The following DST variants were observed in gnomAD, a reference collection of about 807,000 sequenced individuals.
DST encodes dystonin, also known as bullous pemphigoid antigen.
Under a neutral mutation model 875.2 loss-of-function variants are expected in DST, and 253 were observed. The ratio of observed to expected loss-of-function variants is 0.29; its 90% confidence interval spans 0.26 to 0.32. The LOEUF is 0.32. DST is among the 10% of genes least tolerant of loss of function. The probability of loss-of-function intolerance (pLI) is 1.00; values close to 1 mark genes in which losing one functional copy is unlikely to be tolerated. For missense variants in DST, 8,287 were observed against 9,111.6 expected, an observed-to-expected ratio of 0.91 and a Z score of 3.68; for synonymous variants, 3,124 against 3,197.1, an observed-to-expected ratio of 0.98 and a Z score of 0.77.
At chr6:56,647,710 G>C (rs187003612) in intron 13 of DST, among the ~76,000 whole-genome samples, 6 of 148,174 alleles carry the variant, frequency 4.0e-5, no homozygotes, top group Admixed American at 3.3e-4. Context: ...TTTTGAGACG[G>C]AGTCTTGCTC....
At chr6:56,889,887 G>A (rs967938195) in intron 3 of DST, among the ~76,000 whole-genome samples, 1 of 151,992 alleles carries the variant, frequency 6.6e-6, no homozygotes, top group Non-Finnish European at 1.5e-5. Flanking sequence ...ATAAAATGAT[G>A]GCAAAAATGA....
At chr6:56,477,534 AAAC>A (rs1372842125) in intron 90 of DST, 46 bp from the exon 91 acceptor site, 1 of 1,610,428 alleles carries the variant, frequency 6.2e-7, no homozygotes, top group East Asian at 2.2e-5. Flanking sequence ...CATTGGCTGA[AAAC>A]AAAACTCTGG....
chr6:56,783,241 T>C (rs979903028), intron 4 of DST, among the ~76,000 whole-genome samples: 2 of 152,218 alleles, frequency 1.3e-5, no homozygotes, highest in Non-Finnish European at 2.9e-5. Context: ...CTATTACGTC[T>C]GCTTGGTGCA....
chr6:56,582,632 G>C lies in DST; in HGVS notation c.12904-3695C>G, dbSNP rs185641474. 3.4e-3 allele frequency among the ~76,000 whole-genome samples: 512 copies of C among 150,450 alleles called. 3 individuals carry two copies. Among genetic ancestry groups the C allele is most frequent in the Middle Eastern group, 0.017 (5 of 292 alleles). ...TTTTTTTATTAAAGTTTTAGGGTAC[G>C]TGTGCACAATGTGCAGGTTAGTTAC... On this transcript the variant is annotated intron_variant, in intron 49 of 103. Transcript: ENST00000680361.
At position 56,627,992 on chromosome 6, in the gene DST, T is replaced by A. The variant is rs185349093; in HGVS notation, c.4638+7A>T. The stretch of plus-strand genomic sequence containing the variant: ...TAACCTCAGTAGAGGGAATTATTTT[T>A]ACATACCTTCTGTTGATTCAACTGT... On this transcript the variant is annotated splice_region_variant and intron_variant, in intron 33 of 103. Coordinates refer to ENST00000680361, the MANE Select transcript of DST (RefSeq NM_001374736.1). 5.7e-4 allele frequency: 916 copies of A among 1,613,418 alleles called. No individual in the cohort carries two copies. The highest frequency in any genetic ancestry group is 7.0e-4 in the Non-Finnish European group (830 of 1,179,414).
At chr6:56,875,047 G>T (rs1380209905) in intron 3 of DST, among the ~76,000 whole-genome samples, 1 of 152,156 alleles carries the variant, frequency 6.6e-6, no homozygotes, top group African/African-American at 2.4e-5. Context: ...GCAGTGGCGC[G>T]ATCTCCGCTC....
At chr6:56,842,633 T>C (rs930877213) in intron 4 of DST, among the ~76,000 whole-genome samples, 6 of 151,950 alleles carry the variant, frequency 3.9e-5, no homozygotes, top group Non-Finnish European at 4.4e-5. Flanking sequence ...TTAAGGAAAA[T>C]GATCTAGTGA....
chr6:56,791,787 C>CA (rs139051174), intron 4 of DST, among the ~76,000 whole-genome samples: 13,363 of 77,812 alleles, frequency 0.17, 836 homozygotes, highest in African/African-American at 0.28. Flanking sequence ...GACCCTGTCT[C>CA]AAAAAAAAAA....
chr6:56,819,775 TC>T (rs1377833192), intron 4 of DST, among the ~76,000 whole-genome samples: 1 of 152,178 alleles, frequency 6.6e-6, no homozygotes, highest in Non-Finnish European at 1.5e-5. Context: ...ATGGACACTG[TC>T]CTTGCCTTCA....
Position 56,954,418 on chromosome 6 carries a change from G to C in DST, c.170C>G (p.Ser57Ter). The C allele has an allele frequency of 7.3e-7, 1 of 1,367,000 alleles. No individual in the cohort carries two copies. The highest frequency in any genetic ancestry group is 9.8e-7 in the Non-Finnish European group (1 of 1,021,602). The allele number at this position is 1,367,000 out of a possible 1,614,324, so 84.7% of individuals were successfully genotyped here. Reference protein sequence around the residue: ...HPMKSVFSGRSRSRDAVLRSH... With the variant: ...HPMKSVFSGR ...GCGGCGTGTCTTACCTCGGCTTCTT[G>C]AACGACCCGAGAAGACCGATTTCAT... The change falls in exon 1 of 104, where the codon TCA (serine) becomes TGA (stop). Residue 57 changes from serine (S) to a stop codon, truncating the protein, a stop_gained. Transcript: ENST00000680361. LOFTEE classifies it high-confidence loss of function.
intron 9 of DST, among the ~76,000 whole-genome samples, chr6:56,672,894 G>C (rs2099109146): frequency 6.6e-6 from 1 of 152,134 alleles, no homozygotes; most frequent in African/African-American, 2.4e-5. Context: ...TTTTAAATTT[G>C]CTGCCTTAAA....
intron 35 of DST, among the ~76,000 whole-genome samples, chr6:56,624,870 T>C (rs1005479864): frequency 6.6e-6 from 1 of 152,136 alleles, no homozygotes; most frequent in Non-Finnish European, 1.5e-5. Flanking sequence ...TAGTTAATAA[T>C]TAATCTTGAA....
intron 4 of DST, among the ~76,000 whole-genome samples, chr6:56,825,556 A>C (rs983129273): frequency 6.6e-6 from 1 of 151,974 alleles, no homozygotes; most frequent in Non-Finnish European, 1.5e-5. Flanking sequence ...TGCTTTTGCA[A>C]ATATCAAAAG....
chr6:56,563,527 G>A lies in DST; in HGVS notation c.14006-1327C>T, dbSNP rs2097579651. Among the ~76,000 whole-genome samples the A allele has an allele frequency of 2.0e-5, 3 of 152,148 alleles. No individual in the cohort carries two copies. In the South Asian group the frequency reaches 6.2e-4, roughly 32 times the overall value. On this transcript the variant is annotated intron_variant, in intron 55 of 103. Transcript: ENST00000680361. ...GGTTGCAAAATTTGTCTCCCATTCT[G>A]TAGGTTGCCTGTTCACTCTGATGAT...
At chr6:56,927,551 T>C (rs1369047705) in intron 2 of DST, among the ~76,000 whole-genome samples, 1 of 152,050 alleles carries the variant, frequency 6.6e-6, no homozygotes, top group East Asian at 1.9e-4. Flanking sequence ...AAGAATACAA[T>C]ATGATGAAGG....
intron 4 of DST, among the ~76,000 whole-genome samples, chr6:56,788,822 A>T (rs909653776): frequency 6.6e-6 from 1 of 152,212 alleles, no homozygotes; most frequent in Non-Finnish European, 1.5e-5. Flanking sequence ...TATTACTACA[A>T]ATAGTACTGT....
At chr6:56,858,276 A>G (rs1413831193) in intron 3 of DST, among the ~76,000 whole-genome samples, 1 of 152,190 alleles carries the variant, frequency 6.6e-6, no homozygotes, top group African/African-American at 2.4e-5. Context: ...AGGCAGAGTT[A>G]AGGAAGTCAA....
At chr6:56,781,023 A>T (rs949280627) in intron 4 of DST, among the ~76,000 whole-genome samples, 5 of 151,980 alleles carry the variant, frequency 3.3e-5, no homozygotes, top group Non-Finnish European at 5.9e-5. Flanking sequence ...TTTGTCAAAG[A>T]TCAGATAGTT....
intron 69 of DST, among the ~76,000 whole-genome samples, chr6:56,523,800 T>C (rs1308381882): frequency 6.6e-6 from 1 of 152,112 alleles, no homozygotes; most frequent in Non-Finnish European, 1.5e-5. Context: ...AAGACACATG[T>C]CCTTACCCCA....
Sources: allele counts gnomAD v4.1 joint callset (sites outside exome capture counted in the v4.1 genomes callset), GRCh38; gene constraint gnomAD v4.1.1; transcripts MANE v1.5; gene names NCBI Gene and HGNC (gene_info 2026-07-23, HGNC 2026-07-21).